The following TOP2B variants were observed in gnomAD, a reference collection of about 807,000 sequenced individuals.
TOP2B encodes DNA topoisomerase II beta.
TOP2B carries 51 observed loss-of-function variants against 193.5 expected under a neutral mutation model. That is an observed-to-expected ratio of 0.26 (90% CI 0.21 to 0.33). The LOEUF (loss-of-function observed/expected upper bound fraction) is 0.33, where lower values mean the gene tolerates loss of function less well. Ranked by LOEUF, TOP2B falls within the 10% of genes least tolerant of loss-of-function variation. The pLI, the probability that TOP2B is intolerant of heterozygous loss-of-function variation, is 1.00. For synonymous variants in TOP2B, 634 were observed against 635.7 expected (o/e 1.00, Z 0.04); for missense variants, 1,378 against 1,909.3 (o/e 0.72, Z 5.19).
chr3:25,638,691 T>C (rs1030784403), intron 4 of TOP2B, among the ~76,000 whole-genome samples: 4 of 152,004 alleles, frequency 2.6e-5, no homozygotes, highest in East Asian at 1.9e-4. Context: ...AAGTTAATTA[T>C]CTTCATCACA....
At chr3:25,662,766 T>C (rs1027339366) in intron 1 of TOP2B, among the ~76,000 whole-genome samples, 1 of 152,252 alleles carries the variant, frequency 6.6e-6, no homozygotes, top group South Asian at 2.1e-4. Flanking sequence ...TTTACCATTA[T>C]AGAACCAGAG....
At position 25,599,451 on chromosome 3, in the gene TOP2B, G is replaced by T. The variant is rs1281095780; in HGVS notation, c.4694C>A (p.Ser1565Tyr). Residue 1565 changes from serine to tyrosine, a missense_variant, in exon 35 of 36, where the codon TCC becomes TAC. Physicochemically the swap from Ser to Tyr is moderately radical, Grantham distance 144. Transcript: ENST00000264331. ...EGDYNPGRKT[S>Y]KTTSKKPKKT... ...CCCGGTTACCTTGCTTGTTGTTTTG[G>T]ATGTTTTCCTGCCAGGGTTATAATC... 1.2e-6 allele frequency: 2 copies of T among 1,613,250 alleles called. No homozygotes were observed. Among genetic ancestry groups the T allele is most frequent in the Admixed American group, 1.7e-5 (1 of 59,934 alleles).
chr3:25,604,934 C>G, intron 32 of TOP2B, 64 bp from the exon 33 acceptor site: 6 of 1,171,364 alleles, frequency 5.1e-6, no homozygotes, highest in Non-Finnish European at 7.5e-6. Flanking sequence ...TAAACTTTGA[C>G]TCTTTTAACT....
At chr3:25,612,439 C>A (rs570847010) in intron 28 of TOP2B, 76 bp downstream of exon 28, 10 of 1,056,176 alleles carry the variant, frequency 9.5e-6, no homozygotes, top group African/African-American at 1.6e-5. Flanking sequence ...GATTTAAACA[C>A]GCATTAAAAT....
At position 25,598,285 on chromosome 3, in the gene TOP2B, A is replaced by C; in HGVS notation, c.*22T>G. On this transcript the variant is annotated 3_prime_UTR_variant, in exon 36 of 36. Transcript: ENST00000264331. ...GGACAACACAAGATATTTGTTGAAA[A>C]ATGTTTGTGCTCTTTGGGCACTTAA... 6.3e-7 allele frequency: 1 copy of C among 1,582,014 alleles called. No homozygotes were observed. The highest frequency in any genetic ancestry group is 1.8e-5 in the Admixed American group (1 of 56,942).
At chr3:25,639,137 A>T (rs995435606) in intron 4 of TOP2B, among the ~76,000 whole-genome samples, 1 of 152,324 alleles carries the variant, frequency 6.6e-6, no homozygotes, top group Admixed American at 6.5e-5. Context: ...GAAAGACATA[A>T]AATAGTATAT....
intron 6 of TOP2B, 123 bp from the exon 7 acceptor site, chr3:25,636,271 C>G (rs558527765): frequency 5.0e-5 from 32 of 640,050 alleles, no homozygotes; most frequent in Non-Finnish European, 7.9e-5. Context: ...CACAACAAAC[C>G]AAACAAATCC....
Position 25,632,505 on chromosome 3 carries a change from T to A in TOP2B, c.1207A>T (p.Thr403Ser), listed in dbSNP as rs760328220. Reference protein sequence around the residue: ...TFDSQTKENMTLQPKSFGSKC... With the variant: ...TFDSQTKENMSLQPKSFGSKC... ...GACCCAAAACTTTTGGGCTGCAGAG[T>A]CATGTTTTCCTTAGTCTGAGAATCA... Residue 403 changes from threonine to serine, a missense_variant, in exon 10 of 36, where the codon ACT becomes TCT. This residue lies in a region of TOP2B where 222 missense variants were observed against 306.6 expected (regional missense o/e 0.72). Coordinates refer to ENST00000264331, the MANE Select transcript of TOP2B (RefSeq NM_001330700.2). The A allele has an allele frequency of 6.3e-7, 1 of 1,587,924 alleles. No homozygotes were observed. Among genetic ancestry groups the A allele is most frequent in the South Asian group, 1.2e-5 (1 of 86,244 alleles).
chr3:25,641,554 C>T lies in TOP2B; in HGVS notation c.395+768G>A, dbSNP rs149974811. 2.2e-4 allele frequency among the ~76,000 whole-genome samples: 34 copies of T among 151,792 alleles called. No individual in the cohort carries two copies. In the East Asian group the frequency reaches 5.6e-3, roughly 25 times the overall value. ...AAATGGAGAAAAAAATAAATAATCTCGACAGCACAGTTATATGGTAACATT... is the reference window on the plus strand; with the variant it reads ...AAATGGAGAAAAAAATAAATAATCTTGACAGCACAGTTATATGGTAACATT... On this transcript the variant is annotated intron_variant, in intron 4 of 35. Transcript: ENST00000264331.
At position 25,641,659 on chromosome 3, in the gene TOP2B, T is replaced by A. The variant is rs1459779162; in HGVS notation, c.395+663A>T. ...ATTATACTACTAATCTTAACTGAAA[T>A]TAGATTATTACTAGTAAGACTATAC... On this transcript the variant is annotated intron_variant, in intron 4 of 35. Transcript: ENST00000264331. 4.6e-5 allele frequency among the ~76,000 whole-genome samples: 7 copies of A among 152,100 alleles called. No individual in the cohort carries two copies. In the South Asian group the frequency reaches 1.4e-3, roughly 31 times the overall value.
intron 11 of TOP2B, 61 bp from the exon 12 acceptor site, chr3:25,630,530 A>C: frequency 7.5e-7 from 1 of 1,336,384 alleles, no homozygotes; most frequent in Non-Finnish European, 1.0e-6. Context: ...GATGAGAAAA[A>C]TGAAGTCAGA....
Position 25,657,223 on chromosome 3 carries a change from A to G in TOP2B, c.69+7006T>C, listed in dbSNP as rs546309726. On this transcript the variant is annotated intron_variant, in intron 1 of 35. Transcript: ENST00000264331. Reference sequence around the variant, plus strand: ...TTTCAACTCCTGTTTGTCAGCAGAAAGTTGTCCCCTGAGCAATGTCCAGGT... The same window carrying G: ...TTTCAACTCCTGTTTGTCAGCAGAAGGTTGTCCCCTGAGCAATGTCCAGGT... 2.0e-5 allele frequency among the ~76,000 whole-genome samples: 3 copies of G among 152,294 alleles called. No individual in the cohort carries two copies. The East Asian group carries it at 5.8e-4, about 29-fold the overall frequency.
rs1406412407 is a variant in TOP2B at position 25,630,062 on chromosome 3, T to C, written c.1656A>G (p.Leu552=). The change falls in exon 13 of 36, where the codon TTA becomes TTG. Residue 552 remains leucine (L), a synonymous_variant. Coordinates refer to ENST00000264331, the MANE Select transcript of TOP2B (RefSeq NM_001330700.2). ...SYDDAESLKT[L]RYGKIMIMTD... ...TCATAATCATAATCTTTCCATAGCG[T>C]AAGGTTTTCAGAGATTCTGCATCAT... 3.1e-6 allele frequency: 5 copies of C among 1,608,704 alleles called. No homozygotes were observed. In the African/African-American group the frequency reaches 6.7e-5, roughly 22 times the overall value.
At position 25,664,521 on chromosome 3, in the gene TOP2B, CGCCCGG is replaced by C; in HGVS notation, c.-230_-225del. ...CAAACTCGAGGCGCGGCGTCCGCGT[CGCCCGG>C]GCCTAGCGCGGCGGCTGAGGAGAAA... On this transcript the variant is annotated 5_prime_UTR_variant, in exon 1 of 36. Transcript: ENST00000264331. 2.6e-6 allele frequency: 3 copies of C among 1,160,952 alleles called. No individual in the cohort carries two copies. The highest frequency in any genetic ancestry group is 3.2e-6 in the Non-Finnish European group (3 of 943,596). The allele number at this position is 1,160,952 out of a possible 1,614,324, so 71.9% of individuals were successfully genotyped here. A position where few individuals can be genotyped will look rare whatever the true frequency, so the allele number is the denominator to read the frequency against.
At chr3:25,655,901 A>AG (rs1262355787) in intron 1 of TOP2B, among the ~76,000 whole-genome samples, 1 of 152,214 alleles carries the variant, frequency 6.6e-6, no homozygotes, top group Non-Finnish European at 1.5e-5. Context: ...AGTGTTTAGT[A>AG]GATATAGTTT....
chr3:25,601,650 G>T (rs1702099213), intron 33 of TOP2B, among the ~76,000 whole-genome samples: 1 of 152,006 alleles, frequency 6.6e-6, no homozygotes, highest in Admixed American at 6.6e-5. Context: ...TAATGAAATG[G>T]TTTCTCTCTG....
At chr3:25,651,648 T>C (rs907149861) in intron 1 of TOP2B, among the ~76,000 whole-genome samples, 2 of 152,016 alleles carry the variant, frequency 1.3e-5, no homozygotes, top group Non-Finnish European at 2.9e-5. Context: ...GGCAGATCAC[T>C]TGAGGTCAGG....
rs146340287 is a variant in TOP2B, at chr3:25,654,897, T to A, written c.69+9332A>T. On this transcript the variant is annotated intron_variant, in intron 1 of 35. Transcript: ENST00000264331. ...AATGAAGTTGGACTCTCATGCCACA[T>A]ACAAAAATTAACATAGATTAAAGAC... Among the ~76,000 whole-genome samples the A allele has an allele frequency of 2.4e-3, 369 of 152,208 alleles. 4 individuals carry two copies. The highest frequency in any genetic ancestry group is 8.5e-3 in the African/African-American group (353 of 41,540).
At chr3:25,661,470 C>T (rs1382866760) in intron 1 of TOP2B, among the ~76,000 whole-genome samples, 3 of 152,142 alleles carry the variant, frequency 2.0e-5, no homozygotes, top group Admixed American at 6.5e-5. Context: ...AGTATTTCCA[C>T]AAATGTCTTT....
Sources: allele counts gnomAD v4.1 joint callset (sites outside exome capture counted in the v4.1 genomes callset), GRCh38; gene constraint gnomAD v4.1.1; regional missense constraint gnomAD v4.1.1; transcripts MANE v1.5; gene names NCBI Gene and HGNC (gene_info 2026-07-23, HGNC 2026-07-21).